Variants in HECW2 observed in about 807,000 individuals in gnomAD.
HECW2 encodes the protein HECT, C2 and WW domain containing E3 ubiquitin protein ligase 2.
In HECW2, 61 loss-of-function variants were observed where a neutral mutation model predicts 175.2. The ratio of observed to expected loss-of-function variants is 0.35; its 90% CI spans 0.28 to 0.43. The LOEUF is 0.43. Ranked by LOEUF, HECW2 falls within the 20% of genes least tolerant of loss-of-function variation. The probability of loss-of-function intolerance (pLI) is 1.00; values close to 1 mark genes in which losing one functional copy is unlikely to be tolerated. For synonymous variants in HECW2, 671 were observed against 731.0 expected, an observed-to-expected ratio of 0.92 and a Z score of 1.32; for missense variants, 1,524 against 2,000.5, an observed-to-expected ratio of 0.76 and a Z score of 4.54.
At chr2:196,515,030 AC>A (rs1688099666) in intron 1 of HECW2, among the ~76,000 whole-genome samples, 1 of 152,166 alleles carries the variant, frequency 6.6e-6, no homozygotes, top group African/African-American at 2.4e-5. Flanking sequence ...GGGCTGTGAC[AC>A]CCTCTTTGGG....
chr2:196,332,946 A>T (rs1052853957), intron 4 of HECW2, among the ~76,000 whole-genome samples: 1 of 152,160 alleles, frequency 6.6e-6, no homozygotes, highest in Non-Finnish European at 1.5e-5. Context: ...GTTTACTACA[A>T]TGGAAACTCA....
At chr2:196,208,109 T>C (rs1345323272) in intron 28 of HECW2, among the ~76,000 whole-genome samples, 1 of 152,222 alleles carries the variant, frequency 6.6e-6, no homozygotes, top group Non-Finnish European at 1.5e-5. Flanking sequence ...CTCACACACC[T>C]AAAGACTATA....
At chr2:196,294,394 C>T (rs997066784) in intron 13 of HECW2, among the ~76,000 whole-genome samples, 3 of 152,152 alleles carry the variant, frequency 2.0e-5, no homozygotes, top group East Asian at 1.9e-4. Flanking sequence ...GCTTTGGATT[C>T]GTTTTATCTT....
At chr2:196,397,162 C>T (rs1575499169) in intron 2 of HECW2, among the ~76,000 whole-genome samples, 1 of 151,688 alleles carries the variant, frequency 6.6e-6, no homozygotes. Flanking sequence ...AAATAAAAAA[C>T]CGTCTTTGGG....
intron 2 of HECW2, among the ~76,000 whole-genome samples, chr2:196,355,362 G>A (rs984016901): frequency 5.9e-5 from 9 of 152,120 alleles, no homozygotes; most frequent in African/African-American, 2.2e-4. Flanking sequence ...GTGAAGTATG[G>A]CCAGCATTTG....
At position 196,228,272 on chromosome 2, in the gene HECW2, A is replaced by G. The variant is rs757772379; in HGVS notation, c.3765-18T>C. ...AATCCAGCCTGTAACAAAAATCCAC[A>G]AAAAGAATAATCTGTTACTTTTTTT... On this transcript the variant is annotated intron_variant, in intron 21 of 28. Transcript: ENST00000644978. 11 of 1,584,816 alleles carry G rather than the reference A, an allele frequency of 6.9e-6. No homozygotes were observed. The Admixed American group carries it at 1.9e-4, about 28-fold the overall frequency.
intron 23 of HECW2, among the ~76,000 whole-genome samples, chr2:196,224,568 A>G (rs1250316830): frequency 6.6e-6 from 1 of 152,174 alleles, no homozygotes; most frequent in Non-Finnish European, 1.5e-5. Flanking sequence ...CATAGATGCC[A>G]GCTCTGAAGG....
At chr2:196,494,232 C>A (rs1687301462) in intron 1 of HECW2, among the ~76,000 whole-genome samples, 1 of 152,168 alleles carries the variant, frequency 6.6e-6, no homozygotes, top group African/African-American at 2.4e-5. Flanking sequence ...GAATCTAAAT[C>A]ATAAAGCAAC....
At chr2:196,591,453 G>C (rs562350814) in intron 1 of HECW2, among the ~76,000 whole-genome samples, 1 of 152,160 alleles carries the variant, frequency 6.6e-6, no homozygotes, top group Admixed American at 6.5e-5. Context: ...AGACATTTTT[G>C]TTAATAAACT....
At chr2:196,323,621 T>C (rs1418105390) in intron 6 of HECW2, among the ~76,000 whole-genome samples, 4 of 152,150 alleles carry the variant, frequency 2.6e-5, no homozygotes. Context: ...CCGAGTTTAA[T>C]CCCCACTTCT....
intron 2 of HECW2, among the ~76,000 whole-genome samples, chr2:196,358,364 T>C (rs895495377): frequency 2.2e-5 from 3 of 138,646 alleles, no homozygotes; most frequent in Non-Finnish European, 4.6e-5. Flanking sequence ...ACTTGAGTAC[T>C]TGAGTTCGAG....
At chr2:196,322,192 A>G (rs929159479) in intron 7 of HECW2, among the ~76,000 whole-genome samples, 1 of 152,216 alleles carries the variant, frequency 6.6e-6, no homozygotes, top group African/African-American at 2.4e-5. Flanking sequence ...GTTTTTATAA[A>G]AAGCTCCAAT....
At chr2:196,251,761 T>C (rs1237244241) in intron 19 of HECW2, among the ~76,000 whole-genome samples, 1 of 152,198 alleles carries the variant, frequency 6.6e-6, no homozygotes. Flanking sequence ...TTACTCTGGC[T>C]AATGCAATGG....
intron 3 of HECW2, among the ~76,000 whole-genome samples, chr2:196,335,302 G>A (rs752049712): frequency 1.3e-5 from 2 of 152,100 alleles, no homozygotes; most frequent in Non-Finnish European, 2.9e-5. Flanking sequence ...TCCAAAGCAC[G>A]AAACCAAACT....
chr2:196,461,574 A>C (rs768435099), intron 1 of HECW2, among the ~76,000 whole-genome samples: 6 of 152,230 alleles, frequency 3.9e-5, no homozygotes, highest in Non-Finnish European at 7.3e-5. Flanking sequence ...GAACTGCCCA[A>C]GACTGGGTAA....
intron 7 of HECW2, among the ~76,000 whole-genome samples, chr2:196,321,977 G>A (rs1172123733): frequency 1.3e-5 from 2 of 152,198 alleles, no homozygotes; most frequent in African/African-American, 4.8e-5. Context: ...AATTTTAAGA[G>A]AATGTCAATG....
chr2:196,580,289 T>C (rs1433802938), intron 1 of HECW2, among the ~76,000 whole-genome samples: 1 of 152,134 alleles, frequency 6.6e-6, no homozygotes, highest in Non-Finnish European at 1.5e-5. Context: ...CAAGGACAGT[T>C]ATAACACCAA....
At chr2:196,524,717 C>T (rs1042147035) in intron 1 of HECW2, among the ~76,000 whole-genome samples, 1 of 121,310 alleles carries the variant, frequency 8.2e-6, no homozygotes, top group Non-Finnish European at 1.6e-5. Flanking sequence ...TTTATTTCTG[C>T]CTTCATTTTG....
At chr2:196,290,726 G>A (rs57604440) in intron 14 of HECW2, 38,988 of 151,912 alleles carry the variant, frequency 0.26, 5,889 homozygotes, top group African/African-American at 0.41. Flanking sequence ...ATATTTACAG[G>A]CACTGGGCTC....
Sources: gnomAD v4.1 joint callset for allele counts (sites outside exome capture counted in the v4.1 genomes callset) on GRCh38, gnomAD v4.1.1 for gene constraint, MANE v1.5 for transcripts, NCBI Gene and HGNC (gene_info 2026-07-23, HGNC 2026-07-21) for gene names.